ZNF714: variants seen among roughly 807,000 people sequenced by gnomAD.
ZNF714 encodes the protein zinc finger protein 714.
In ZNF714, 32 loss-of-function variants were observed where a neutral mutation model predicts 46.2. The observed-to-expected ratio is 0.69, with a 90% CI of 0.52 to 0.93. The LOEUF (loss-of-function observed/expected upper bound fraction) is 0.93, where lower values mean the gene tolerates loss of function less well. Among genes scored for constraint, ZNF714 ranks in the 40% least tolerant of loss-of-function variants. The pLI is 0.00. For missense variants in ZNF714, 635 were observed against 646.3 expected, an observed-to-expected ratio of 0.98 and a Z score of 0.19; for synonymous variants, 199 against 213.1, an observed-to-expected ratio of 0.93 and a Z score of 0.58.
intron 2 of ZNF714, among the ~76,000 whole-genome samples, chr19:21,089,939 C>G (rs904510139): frequency 2.6e-5 from 4 of 152,152 alleles, no homozygotes; most frequent in African/African-American, 9.6e-5. Flanking sequence ...CTTCCTTTCC[C>G]TGGGTTGCCC....
At chr19:21,098,155 T>G (rs1969087688) in intron 2 of ZNF714, 30 bp from the exon 3 acceptor site, 1 of 1,583,798 alleles carries the variant, frequency 6.3e-7, no homozygotes, top group Non-Finnish European at 8.5e-7. Flanking sequence ...TTGGTAAATA[T>G]ACGTGTGTCT....
chr19:21,116,729 A>G (rs766953242), intron 4 of ZNF714, 78 bp from the exon 5 acceptor site: 16 of 1,451,912 alleles, frequency 1.1e-5, no homozygotes, highest in African/African-American at 5.7e-5. Flanking sequence ...TGTAGTTTGT[A>G]TAATATAGGT....
At chr19:21,102,943 T>G (rs1382349343) in intron 4 of ZNF714, among the ~76,000 whole-genome samples, 1 of 152,164 alleles carries the variant, frequency 6.6e-6, no homozygotes, top group African/African-American at 2.4e-5. Context: ...GATGTTTAAT[T>G]AAGAGATAAA....
intron 2 of ZNF714, among the ~76,000 whole-genome samples, chr19:21,087,419 T>C (rs1441090456): frequency 6.6e-6 from 1 of 152,130 alleles, no homozygotes. Context: ...CAAACATGAT[T>C]TCACATTTGA....
intron 4 of ZNF714, among the ~76,000 whole-genome samples, chr19:21,099,679 T>TC (rs775900106): frequency 6.6e-6 from 1 of 152,206 alleles, no homozygotes; most frequent in African/African-American, 2.4e-5. Flanking sequence ...TTCTTTTTTT[T>TC]CTCAAGAATG....
intron 4 of ZNF714, among the ~76,000 whole-genome samples, chr19:21,106,568 CA>C (rs34970745): frequency 2.3e-3 from 207 of 88,194 alleles, no homozygotes; most frequent in Middle Eastern, 6.0e-3. Flanking sequence ...GACTCCGTCT[CA>C]AAAAAAAAAA....
intron 4 of ZNF714, among the ~76,000 whole-genome samples, chr19:21,110,063 C>T (rs954797810): frequency 2.0e-5 from 3 of 152,160 alleles, no homozygotes; most frequent in Non-Finnish European, 4.4e-5. Flanking sequence ...GATACACATC[C>T]ATGTATCTTT....
At chr19:21,093,698 A>G (rs916242021) in intron 2 of ZNF714, among the ~76,000 whole-genome samples, 2 of 152,068 alleles carry the variant, frequency 1.3e-5, no homozygotes, top group Non-Finnish European at 2.9e-5. Flanking sequence ...CAGTGGTGCA[A>G]TCTTGGCTCA....
Position 21,121,679 on chromosome 19 carries a change from T to TTA in ZNF714, c.*3347_*3348insTA, listed in dbSNP as rs1969705510. ...AATATGGGAATAAAAATCATTTTAA[T>TTA]AAGGTGGCTACTATAAAACTAAAAA... On this transcript the variant is annotated 3_prime_UTR_variant, in exon 5 of 5. Transcript: ENST00000456283. 7.9e-5 allele frequency: 12 copies of TTA among 152,202 alleles called. No homozygotes were observed. Among genetic ancestry groups the TTA allele is most frequent in the Admixed American group, 7.9e-4 (12 of 15,280 alleles). The allele number at this position is 152,202 out of a possible 1,614,324, so 9.4% of individuals were successfully genotyped here. A position where few individuals can be genotyped will look rare whatever the true frequency, so the allele number is the denominator to read the frequency against.
In ZNF714 at chr19:21,123,886, G is replaced by T. The variant is rs1393396433; in HGVS notation, c.*5554G>T. ...TACGGTTTTTATTTTTAGTCACCAA[G>T]CTGTAGCCAACTCCTGGGTCATTTT... On this transcript the variant is annotated 3_prime_UTR_variant, in exon 5 of 5. Transcript: ENST00000456283. The T allele has an allele frequency of 6.6e-6, 1 of 152,038 alleles. No individual in the cohort carries two copies. Among genetic ancestry groups the T allele is most frequent in the East Asian group, 1.9e-4 (1 of 5,194 alleles). 9.4% of individuals were successfully genotyped at this position (152,038 alleles called of 1,614,324 possible).
chr19:21,092,787 A>G (rs1046988608), intron 2 of ZNF714, among the ~76,000 whole-genome samples: 3 of 150,904 alleles, frequency 2.0e-5, no homozygotes, highest in Admixed American at 6.6e-5. Context: ...CTTTGTGTCC[A>G]TGTGTTCTTA....
chr19:21,095,679 C>A (rs1429966641), intron 2 of ZNF714, among the ~76,000 whole-genome samples: 2 of 151,962 alleles, frequency 1.3e-5, no homozygotes, highest in Non-Finnish European at 2.9e-5. Flanking sequence ...TGGTCTCGAT[C>A]TCCTGACCTC....
At chr19:21,100,919 C>T (rs1705243418) in intron 4 of ZNF714, among the ~76,000 whole-genome samples, 1 of 152,062 alleles carries the variant, frequency 6.6e-6, no homozygotes, top group Non-Finnish European at 1.5e-5. Context: ...CTATGTTGGC[C>T]AGGCTGTTCT....
At position 21,082,215 on chromosome 19, in the gene ZNF714, AG is replaced by A. The variant is rs1381828414; in HGVS notation, c.-309del. 3.1e-5 allele frequency: 30 copies of A among 956,236 alleles called. No individual in the cohort carries two copies. The East Asian group carries it at 1.3e-3, about 40-fold the overall frequency. 59.2% of individuals were successfully genotyped at this position (956,236 alleles called of 1,614,324 possible). On this transcript the variant is annotated 5_prime_UTR_variant, in exon 1 of 5. Transcript: ENST00000456283. The stretch of plus-strand genomic sequence containing the variant: ...TGGCGGGGCCTTTGTCTCTCGCTGC[AG>A]CTGGAGCTGCAGGTCTCGCCTTCAC...
At position 21,118,607 on chromosome 19, in the gene ZNF714, T is replaced by C; in HGVS notation, c.*275T>C. The C allele has an allele frequency of 3.7e-6, 1 of 271,760 alleles. No individual in the cohort carries two copies. 16.8% of individuals were successfully genotyped at this position (271,760 alleles called of 1,614,324 possible). On this transcript the variant is annotated 3_prime_UTR_variant, in exon 5 of 5. Coordinates refer to ENST00000456283, the MANE Select transcript of ZNF714 (RefSeq NM_182515.4). The stretch of plus-strand genomic sequence containing the variant: ...CAAATGTGAAGAATATGGCAAAGCC[T>C]TTAACCAGTCTTCAACTCTTACTAG...
At chr19:21,084,702 ATT>A (rs36069214) in intron 2 of ZNF714, among the ~76,000 whole-genome samples, 1,511 of 135,166 alleles carry the variant, frequency 0.011, 25 homozygotes, top group African/African-American at 0.038. Context: ...AAGGTAGGAA[ATT>A]TTTTTTTTTT....
intron 4 of ZNF714, among the ~76,000 whole-genome samples, chr19:21,113,985 G>T (rs1208495650): frequency 2.6e-5 from 4 of 152,268 alleles, no homozygotes; most frequent in African/African-American, 9.6e-5. Flanking sequence ...GGGTGTTAAA[G>T]ACTCTCACTA....
Position 21,123,920 on chromosome 19 carries a change from A to G in ZNF714, c.*5588A>G, listed in dbSNP as rs1969750537. On this transcript the variant is annotated 3_prime_UTR_variant, in exon 5 of 5. Coordinates refer to ENST00000456283, the MANE Select transcript of ZNF714 (RefSeq NM_182515.4). ...AACTCCTGGGTCATTTTCTCTGAAA[A>G]ACATTTGGAGATCATGACAAGTTTT... 6.6e-6 allele frequency: 1 copy of G among 152,092 alleles called. No individual in the cohort carries two copies. The highest frequency in any genetic ancestry group is 2.4e-5 in the African/African-American group (1 of 41,404). 9.4% of individuals were successfully genotyped at this position (152,092 alleles called of 1,614,324 possible). A position where few individuals can be genotyped will look rare whatever the true frequency, so the allele number is the denominator to read the frequency against.
rs533295260 is a variant in ZNF714 at position 21,121,971 on chromosome 19, A to G, written c.*3639A>G. ...AAAATAATTTTTAGATGTAATTCCA[A>G]AAGTAGTGTATTAAGTTACATTTTA... On this transcript the variant is annotated 3_prime_UTR_variant, in exon 5 of 5. Transcript: ENST00000456283. The G allele has an allele frequency of 6.6e-6, 1 of 152,296 alleles. No homozygotes were observed. The highest frequency in any genetic ancestry group is 6.5e-5 in the Admixed American group (1 of 15,302). The allele number at this position is 152,296 out of a possible 1,614,324, so 9.4% of individuals were successfully genotyped here.
Sources: gnomAD v4.1 joint callset for allele counts (sites outside exome capture counted in the v4.1 genomes callset) on GRCh38, gnomAD v4.1.1 for gene constraint, MANE v1.5 for transcripts, NCBI Gene and HGNC (gene_info 2026-07-23, HGNC 2026-07-21) for gene names.